Variants in PLEKHA8 observed in about 807,000 individuals in gnomAD.
PLEKHA8 encodes pleckstrin homology domain-containing family A member 8.
In PLEKHA8, 36 loss-of-function variants were observed where a neutral mutation model predicts 68.2. That is an observed-to-expected ratio of 0.53 (90% CI 0.40 to 0.70). The LOEUF is 0.70. PLEKHA8 is among the 30% of genes least tolerant of loss of function. The probability of loss-of-function intolerance (pLI) is 0.00; values close to 1 mark genes in which losing one functional copy is unlikely to be tolerated. For missense variants in PLEKHA8, 505 were observed against 615.4 expected, an observed-to-expected ratio of 0.82 and a Z score of 1.90; for synonymous variants, 211 against 216.1, an observed-to-expected ratio of 0.98 and a Z score of 0.20.
chr7:30,102,575 G>A (rs1407739924), intron 13 of PLEKHA8, among the ~76,000 whole-genome samples: 4 of 152,182 alleles, frequency 2.6e-5, no homozygotes, highest in Non-Finnish European at 4.4e-5. Context: ...TACAAACAAC[G>A]GGATATTATT....
At chr7:30,028,879 C>T (rs2127953849) in intron 1 of PLEKHA8, 77 bp downstream of exon 1, 2 of 1,230,604 alleles carry the variant, frequency 1.6e-6, no homozygotes, top group Non-Finnish European at 2.0e-6. Context: ...GTGTCTGGAC[C>T]CGTCTTAGGG....
intron 13 of PLEKHA8, among the ~76,000 whole-genome samples, chr7:30,077,753 G>A (rs1417578856): frequency 6.6e-6 from 1 of 152,074 alleles, no homozygotes; most frequent in Admixed American, 6.6e-5. Flanking sequence ...AGCAACTGTG[G>A]AATGATAATT....
intron 13 of PLEKHA8, among the ~76,000 whole-genome samples, chr7:30,104,860 C>T (rs1046767017): frequency 2.0e-5 from 3 of 151,602 alleles, no homozygotes; most frequent in Non-Finnish European, 4.4e-5. Context: ...GTGGTTGGGA[C>T]TACAGGTACA....
Position 30,070,453 on chromosome 7 carries a change from A to G in PLEKHA8, c.1301-3618A>G, listed in dbSNP as rs145086326. On this transcript the variant is annotated intron_variant, in intron 12 of 13. Coordinates refer to ENST00000449726, the MANE Select transcript of PLEKHA8 (RefSeq NM_001197026.2). ...CTGTCTTTTAGAAGAGGGCATGGAA[A>G]AGAGTTTCTAGGCTTTTTTGAACGG... 1.4e-3 allele frequency among the ~76,000 whole-genome samples: 210 copies of G among 152,010 alleles called. 3 individuals are homozygous for G. The highest frequency in any genetic ancestry group is 4.9e-3 in the African/African-American group (203 of 41,482).
At chr7:30,115,787 C>CGTGCACATACATGT (rs1796455172) in intron 13 of PLEKHA8, 1 of 144,578 alleles carries the variant, frequency 6.9e-6, no homozygotes. Context: ...TGCATACATA[C>CGTGCACATACATGT]GTGCACATAC....
At chr7:30,078,009 T>C (rs139802870) in intron 13 of PLEKHA8, among the ~76,000 whole-genome samples, 2 of 152,306 alleles carry the variant, frequency 1.3e-5, no homozygotes, top group East Asian at 3.9e-4. Flanking sequence ...CTGTACAGGG[T>C]TCTTATAAAG....
chr7:30,058,542 T>C (rs1793182319), intron 9 of PLEKHA8, among the ~76,000 whole-genome samples: 1 of 151,974 alleles, frequency 6.6e-6, no homozygotes, highest in Admixed American at 6.6e-5. Flanking sequence ...GTTTTCCTTT[T>C]TACATTGCTT....
chr7:30,094,131 A>C (rs1469456765), downstream of PLEKHA8, among the ~76,000 whole-genome samples: 2 of 152,236 alleles, frequency 1.3e-5, no homozygotes, highest in Admixed American at 6.5e-5. Context: ...CTAGACACAA[A>C]GGAAATTACA....
downstream of PLEKHA8, chr7:30,084,676 G>A (rs1361123429): frequency 1.1e-6 from 1 of 881,458 alleles, no homozygotes; most frequent in Non-Finnish European, 1.4e-6. Flanking sequence ...TTTTTGTGTG[G>A]TTTTCTGCCT....
At chr7:30,121,724 C>T (rs1796700771) in intron 13 of PLEKHA8, among the ~76,000 whole-genome samples, 1 of 152,162 alleles carries the variant, frequency 6.6e-6, no homozygotes, top group Non-Finnish European at 1.5e-5. Context: ...TATCTCTGCC[C>T]AGAGGCACAT....
intron 13 of PLEKHA8, among the ~76,000 whole-genome samples, chr7:30,098,653 G>T (rs1392985585): frequency 6.6e-6 from 1 of 152,256 alleles, no homozygotes; most frequent in African/African-American, 2.4e-5. Flanking sequence ...ATAATCTCCT[G>T]TTGTGCCGTT....
chr7:30,054,850 G>A lies in PLEKHA8; in HGVS notation c.938G>A (p.Ser313Asn). Residue 313 changes from serine (S) to asparagine (N), a missense_variant, in exon 8 of 14, where the codon AGT becomes AAT. Coordinates refer to ENST00000449726, the MANE Select transcript of PLEKHA8 (RefSeq NM_001197026.2). ...AAAGAAGTTATCCCAACTTTCTTTA[G>A]TACCATGAACACAAGGTATTCTAGA... is the stretch of plus-strand genomic sequence containing the variant. Reference protein sequence around the residue: ...EGKEVIPTFFSTMNTSFSDIE... With the variant: ...EGKEVIPTFFNTMNTSFSDIE... 6.2e-7 allele frequency: 1 copy of A among 1,607,934 alleles called. No homozygotes were observed. Among genetic ancestry groups the A allele is most frequent in the Non-Finnish European group, 8.5e-7 (1 of 1,177,188 alleles).
At chr7:30,053,812 T>C (rs1167708034) in intron 7 of PLEKHA8, among the ~76,000 whole-genome samples, 1 of 152,222 alleles carries the variant, frequency 6.6e-6, no homozygotes, top group Non-Finnish European at 1.5e-5. Context: ...AATTAGCAAA[T>C]ACTAAACTCT....
intron 13 of PLEKHA8, among the ~76,000 whole-genome samples, 166 bp from the exon 14 acceptor site, chr7:30,078,424 A>G (rs1794746132): frequency 6.6e-6 from 1 of 152,204 alleles, no homozygotes; most frequent in African/African-American, 2.4e-5. Context: ...CTTGAAACAT[A>G]ATTTTAGAGA....
In PLEKHA8 at chr7:30,081,500, T is replaced by G. The variant is rs1305746464; in HGVS notation, c.*2713T>G. ...GTTAAAGTCATAATTTGCGCTGATG[T>G]GTAATCACTTTCCAAGAAGAGGGCA... On this transcript the variant is annotated 3_prime_UTR_variant, in exon 14 of 14. Transcript: ENST00000449726. 2.0e-6 allele frequency: 2 copies of G among 985,204 alleles called. No homozygotes were observed. The highest frequency in any genetic ancestry group is 2.4e-6 in the Non-Finnish European group (2 of 829,822). 61.0% of individuals were successfully genotyped at this position (985,204 alleles called of 1,614,324 possible).
rs147569874 is a variant in PLEKHA8 at position 30,060,321 on chromosome 7, A to G, written c.1040-563A>G. Among the ~76,000 whole-genome samples, 46 of 151,576 alleles carry G rather than the reference A, an allele frequency of 3.0e-4. No individual in the cohort carries two copies. The East Asian group carries it at 8.3e-3, about 27-fold the overall frequency. On this transcript the variant is annotated intron_variant, in intron 9 of 13. Transcript: ENST00000449726. ...CTGGGCGTGGTGGTGGGCATCTGTA[A>G]TCTCAGCTACTCGGGAGGCTGAGGG...
downstream of PLEKHA8, among the ~76,000 whole-genome samples, chr7:30,092,695 C>T (rs186006918): frequency 2.6e-5 from 4 of 152,328 alleles, no homozygotes; most frequent in African/African-American, 9.6e-5. Context: ...CCACTCTGAG[C>T]TCTGGTTGGG....
exon 13 of PLEKHA8, chr7:30,090,419 G>C (rs957937907): frequency 2.2e-6 from 1 of 448,898 alleles, no homozygotes; most frequent in Admixed American, 3.8e-5. Flanking sequence ...TAAGAACTCA[G>C]AACATAATAC....
intron 6 of PLEKHA8, among the ~76,000 whole-genome samples, 169 bp from the exon 7 acceptor site, chr7:30,052,540 C>T (rs548654880): frequency 6.6e-5 from 10 of 150,568 alleles, no homozygotes; most frequent in Non-Finnish European, 1.5e-4. Context: ...GGGTGGAGTG[C>T]TGGGCTCAAG....
Sources: allele counts gnomAD v4.1 joint callset (sites outside exome capture counted in the v4.1 genomes callset), GRCh38; gene constraint gnomAD v4.1.1; transcripts MANE v1.5; gene names NCBI Gene and HGNC (gene_info 2026-07-23, HGNC 2026-07-21).